The following PTPRG variants were observed in gnomAD, a reference collection of about 807,000 sequenced individuals.
The protein encoded by PTPRG is protein tyrosine phosphatase receptor type G.
Under a neutral mutation model 165.3 loss-of-function variants are expected in PTPRG, and 102 were observed. The ratio of observed to expected loss-of-function variants is 0.62; its 90% CI spans 0.53 to 0.73. The LOEUF (loss-of-function observed/expected upper bound fraction) is 0.73. Ranked by LOEUF, PTPRG falls within the 30% of genes least tolerant of loss-of-function variation. PTPRG has a pLI of 0.00. For missense variants in PTPRG, 1,866 were observed against 1,861.4 expected (o/e 1.00, Z -0.05); for synonymous variants, 675 against 669.5 (o/e 1.01, Z -0.13).
At chr3:62,050,191 C>G (rs549100063) in intron 4 of PTPRG, among the ~76,000 whole-genome samples, 18 of 152,254 alleles carry the variant, frequency 1.2e-4, no homozygotes, top group African/African-American at 4.3e-4. Context: ...AGTTACACAC[C>G]ACATAACAAT....
At chr3:62,089,049 T>C (rs1575988677) in intron 5 of PTPRG, among the ~76,000 whole-genome samples, 1 of 152,320 alleles carries the variant, frequency 6.6e-6, no homozygotes, top group East Asian at 1.9e-4. Context: ...TGTTCAGGGT[T>C]TACACTGAAG....
intron 1 of PTPRG, among the ~76,000 whole-genome samples, chr3:61,725,356 G>A (rs1346906758): frequency 2.6e-5 from 4 of 152,016 alleles, no homozygotes; most frequent in African/African-American, 7.2e-5. Flanking sequence ...GACCTCAAGC[G>A]ATCTACCTAC....
chr3:62,242,283 T>C (rs916404323), intron 14 of PTPRG, among the ~76,000 whole-genome samples: 2 of 152,206 alleles, frequency 1.3e-5, no homozygotes, highest in African/African-American at 4.8e-5. Flanking sequence ...GAAAACTTGT[T>C]TTATTATTTA....
At chr3:61,630,843 G>A (rs542528046) in intron 1 of PTPRG, among the ~76,000 whole-genome samples, 54 of 152,194 alleles carry the variant, frequency 3.5e-4, no homozygotes, top group Non-Finnish European at 7.1e-4. Flanking sequence ...AGATCATGAG[G>A]TCAGGAGTTC....
At chr3:62,270,709 T>G (rs2148871979) in intron 20 of PTPRG, among the ~76,000 whole-genome samples, 1 of 152,106 alleles carries the variant, frequency 6.6e-6, no homozygotes, top group Non-Finnish European at 1.5e-5. Context: ...CCCTGAGTCA[T>G]CCAAAAAAAA....
intron 2 of PTPRG, among the ~76,000 whole-genome samples, chr3:61,786,829 T>G (rs1468014719): frequency 6.6e-6 from 1 of 152,214 alleles, no homozygotes; most frequent in African/African-American, 2.4e-5. Flanking sequence ...ATTAGCATTG[T>G]GTCTTTGAAA....
chr3:61,794,737 A>C (rs1036818128), intron 2 of PTPRG, among the ~76,000 whole-genome samples: 12 of 152,168 alleles, frequency 7.9e-5, no homozygotes, highest in Non-Finnish European at 1.8e-4. Flanking sequence ...TATAATGAAG[A>C]TTTTCGTTTG....
intron 2 of PTPRG, among the ~76,000 whole-genome samples, chr3:61,795,292 G>T: frequency 6.6e-6 from 1 of 152,066 alleles, no homozygotes; most frequent in East Asian, 1.9e-4. Context: ...AGCACAGGCT[G>T]GTGAAGGTCA....
chr3:61,625,508 G>A (rs28626394), intron 1 of PTPRG, among the ~76,000 whole-genome samples: 1 of 151,994 alleles, frequency 6.6e-6, no homozygotes, highest in Non-Finnish European at 1.5e-5. Context: ...GGTAATGATC[G>A]GCTCTTAGGA....
intron 1 of PTPRG, among the ~76,000 whole-genome samples, chr3:61,595,171 A>G (rs749112197): frequency 5.3e-5 from 8 of 152,002 alleles, no homozygotes; most frequent in Non-Finnish European, 1.0e-4. Context: ...GACGAAACCG[A>G]ACAAGATGTG....
chr3:62,068,475 T>G (rs75034028), intron 4 of PTPRG, among the ~76,000 whole-genome samples: 4,418 of 150,962 alleles, frequency 0.029, 208 homozygotes, highest in African/African-American at 0.098. Flanking sequence ...TGTTTTGGTT[T>G]GTTTGTTTGT....
chr3:61,932,778 T>C (rs1259237124), intron 2 of PTPRG, among the ~76,000 whole-genome samples: 1 of 152,194 alleles, frequency 6.6e-6, no homozygotes, highest in Non-Finnish European at 1.5e-5. Flanking sequence ...AACAATTCAG[T>C]TTCTCTCACA....
intron 1 of PTPRG, among the ~76,000 whole-genome samples, chr3:61,695,576 C>T (rs940485652): frequency 6.6e-6 from 1 of 152,228 alleles, no homozygotes; most frequent in Admixed American, 6.5e-5. Flanking sequence ...CAACTTCATA[C>T]ACCTCGGCAT....
chr3:62,078,588 GT>G, intron 5 of PTPRG, among the ~76,000 whole-genome samples: 1 of 152,040 alleles, frequency 6.6e-6, no homozygotes, highest in Admixed American at 6.5e-5. Flanking sequence ...AAAAAAAGGT[GT>G]TTTTTTGAGC....
chr3:61,742,671 G>A, intron 1 of PTPRG: 1 of 1,605,008 alleles, frequency 6.2e-7, no homozygotes, highest in Non-Finnish European at 8.5e-7. Flanking sequence ...CACCCACTTT[G>A]GCCACCATGT....
At position 62,203,115 on chromosome 3, in the gene PTPRG, C is replaced by A; in HGVS notation, c.1378-58C>A. On this transcript the variant is annotated intron_variant, in intron 11 of 29. Coordinates refer to ENST00000474889, the MANE Select transcript of PTPRG (RefSeq NM_002841.4). The surrounding 1 kb of genome is among the most constrained non-coding windows in gnomAD (Gnocchi z 6.4). ...TCATTCCCAATCTCAATTACTGATGCTTCTCTGCTTTTTCTTCTTCTGCCT... is the reference window on the plus strand; with the variant it reads ...TCATTCCCAATCTCAATTACTGATGATTCTCTGCTTTTTCTTCTTCTGCCT... The A allele has an allele frequency of 2.0e-6, 3 of 1,523,054 alleles. No homozygotes were observed. The highest frequency in any genetic ancestry group is 3.6e-4 in the Middle Eastern group (2 of 5,570). 94.3% of individuals were successfully genotyped at this position (1,523,054 alleles called of 1,614,324 possible).
intron 12 of PTPRG, among the ~76,000 whole-genome samples, chr3:62,211,279 T>G (rs1700351462): frequency 6.6e-6 from 1 of 152,172 alleles, no homozygotes; most frequent in Admixed American, 6.5e-5. Context: ...AATACATGAT[T>G]CCACCTATAT....
In PTPRG at chr3:62,190,539, C is replaced by T. The variant is rs1001470732; in HGVS notation, c.1034-930C>T. Reference sequence around the variant, plus strand: ...ATTTAGATCCACCGTGTCCCTTAAACCTCTCAGCCCCAAGGAATAAGAAGA... The same window carrying T: ...ATTTAGATCCACCGTGTCCCTTAAATCTCTCAGCCCCAAGGAATAAGAAGA... On this transcript the variant is annotated intron_variant, in intron 8 of 29. Coordinates refer to ENST00000474889, the MANE Select transcript of PTPRG (RefSeq NM_002841.4). This position sits in a 1 kb window ranked among gnomAD's most constrained non-coding sequence, Gnocchi z 5.2. Among the ~76,000 whole-genome samples the T allele has an allele frequency of 6.6e-6, 1 of 152,142 alleles. No homozygotes were observed. The highest frequency in any genetic ancestry group is 6.5e-5 in the Admixed American group (1 of 15,280).
chr3:62,140,239 A>T (rs1176377241), intron 6 of PTPRG, among the ~76,000 whole-genome samples: 1 of 152,180 alleles, frequency 6.6e-6, no homozygotes, highest in Non-Finnish European at 1.5e-5. Flanking sequence ...GACGTTACAC[A>T]TGCACCCCGC....
Sources: allele counts gnomAD v4.1 joint callset (sites outside exome capture counted in the v4.1 genomes callset), GRCh38; gene constraint gnomAD v4.1.1; non-coding constraint Gnocchi (gnomAD v3.1); transcripts MANE v1.5; gene names NCBI Gene and HGNC (gene_info 2026-07-23, HGNC 2026-07-21).